Variants in FABP6 observed in about 807,000 individuals in gnomAD.
FABP6 encodes the protein fatty acid binding protein 6, also known as gastrotropin.
FABP6 carries 13 observed loss-of-function variants against 14.9 expected under a neutral mutation model. That is an observed-to-expected ratio of 0.87 (90% confidence interval 0.57 to 1.39). FABP6 has a LOEUF of 1.39. FABP6 is among the 40% of genes most tolerant of loss of function. The pLI is 0.00. For missense variants in FABP6, 161 were observed against 167.2 expected (o/e 0.96, Z 0.20); for synonymous variants, 75 against 63.6 (o/e 1.18, Z -0.85).
intron 3 of FABP6, among the ~76,000 whole-genome samples, chr5:160,222,534 ATGT>A (rs1760150462): frequency 2.0e-5 from 3 of 152,106 alleles, no homozygotes; most frequent in Non-Finnish European, 4.4e-5. Context: ...GGGTTCCGCC[ATGT>A]TGGCCAGGCT....
upstream of FABP6, among the ~76,000 whole-genome samples, chr5:160,227,704 G>A (rs1160304365): frequency 6.6e-6 from 1 of 151,356 alleles, no homozygotes; most frequent in Non-Finnish European, 1.5e-5. Flanking sequence ...GAAAAGGAAA[G>A]AAAAAGCCTA....
Position 160,232,189 on chromosome 5 carries a change from C to T in FABP6, c.159C>T (p.His53=). Reference sequence around the variant, plus strand: ...GGCAGGACTTCACTTGGTCCCAGCACTACTCCGGGGGCCACACCATGACCA... The same window carrying T: ...GGCAGGACTTCACTTGGTCCCAGCATTACTCCGGGGGCCACACCATGACCA... ...QDGQDFTWSQ[H]YSGGHTMTNK... The change falls in exon 2 of 4, where the codon CAC becomes CAT. Residue 53 remains histidine, a synonymous_variant. Coordinates refer to ENST00000402432, the MANE Select transcript of FABP6 (RefSeq NM_001445.3). 2 of 1,613,790 alleles carry T rather than the reference C, an allele frequency of 1.2e-6. No homozygotes were observed. Among genetic ancestry groups the T allele is most frequent in the Non-Finnish European group, 1.7e-6 (2 of 1,179,872 alleles).
chr5:160,214,089 CTCTTTCTTTCTTTCTTTCTTTCTTTCTT>C (rs10605033), intron 3 of FABP6, among the ~76,000 whole-genome samples: 77 of 116,382 alleles, frequency 6.6e-4, no homozygotes, highest in African/African-American at 8.7e-4. Flanking sequence ...GCCTGCCTTT[CTCTTTCTTTCTTTCTTTCTTTCTTTCTT>C]TCTTTCTTTC....
intron 1 of FABP6, chr5:160,197,443 A>G (rs986250706): frequency 2.6e-5 from 4 of 152,256 alleles, no homozygotes; most frequent in African/African-American, 9.7e-5. Flanking sequence ...CCTTGGGTGA[A>G]TAATACTATG....
intron 1 of FABP6, among the ~76,000 whole-genome samples, chr5:160,196,381 A>T (rs999174471): frequency 6.6e-6 from 1 of 152,174 alleles, no homozygotes; most frequent in Non-Finnish European, 1.5e-5. Context: ...AGGAGGCCCC[A>T]AAAAGGAAAC....
intron 1 of FABP6, among the ~76,000 whole-genome samples, chr5:160,191,216 A>T (rs1759386610): frequency 6.6e-6 from 1 of 151,976 alleles, no homozygotes; most frequent in Non-Finnish European, 1.5e-5. Flanking sequence ...CTGTAATCCT[A>T]GCACTTTGAG....
At chr5:160,230,685 G>A (rs574726126) in intron 1 of FABP6, among the ~76,000 whole-genome samples, 1 of 152,160 alleles carries the variant, frequency 6.6e-6, no homozygotes, top group African/African-American at 2.4e-5. Context: ...TTGAACACCA[G>A]CTATATGCAA....
At position 160,238,700 on chromosome 5, in the gene FABP6, A is replaced by T. The variant is rs1445462038; in HGVS notation, c.*41A>T. 6.3e-7 allele frequency: 1 copy of T among 1,598,878 alleles called. No individual in the cohort carries two copies. The highest frequency in any genetic ancestry group is 8.6e-7 in the Non-Finnish European group (1 of 1,166,444). ...CCAGGGAGCTACAAACCCACCAATA[A>T]AACTGATATAAGGACAGACGCTGCT... On this transcript the variant is annotated 3_prime_UTR_variant, in exon 4 of 4. Coordinates refer to ENST00000402432, the MANE Select transcript of FABP6 (RefSeq NM_001445.3).
chr5:160,214,471 G>A (rs1462707493), intron 3 of FABP6, among the ~76,000 whole-genome samples: 2 of 151,590 alleles, frequency 1.3e-5, no homozygotes, highest in African/African-American at 2.4e-5. Flanking sequence ...GGCCTCAAGT[G>A]GATTTCGTTT....
chr5:160,237,434 G>A lies in FABP6; in HGVS notation c.334-1172G>A, dbSNP rs191200906. Among the ~76,000 whole-genome samples the A allele has an allele frequency of 2.0e-3, 302 of 152,118 alleles. 3 individuals carry two copies. Among genetic ancestry groups the A allele is most frequent in the Admixed American group, 0.017 (252 of 15,262 alleles). On this transcript the variant is annotated intron_variant, in intron 3 of 3. Coordinates refer to ENST00000402432, the MANE Select transcript of FABP6 (RefSeq NM_001445.3). ...AAACAAAGTTGCATGACTAGGCCCC[G>A]AGAGGAGCTGTCTTGATTGCAAATC... is the stretch of plus-strand genomic sequence containing the variant.
chr5:160,229,574 A>G lies in FABP6; in HGVS notation c.17A>G (p.Lys6Arg). Residue 6 changes from lysine to arginine, a missense_variant, in exon 1 of 4, where the codon AAG (lysine) becomes AGG (arginine). By Grantham distance (26) the Lys-to-Arg change is conservative. Transcript: ENST00000402432. ...CCCAGCAGCATGGCTTTCACCGGCAAGTTCGAGATGGAGAGTGAGAAGAAT... is the reference window on the plus strand; with the variant it reads ...CCCAGCAGCATGGCTTTCACCGGCAGGTTCGAGATGGAGAGTGAGAAGAAT... MAFTG[K>R]FEMESEKNYD... 4.3e-6 allele frequency: 7 copies of G among 1,614,036 alleles called. No individual in the cohort carries two copies. The highest frequency in any genetic ancestry group is 5.9e-6 in the Non-Finnish European group (7 of 1,179,946).
chr5:160,190,266 C>T (rs1759367807), intron 1 of FABP6, among the ~76,000 whole-genome samples: 1 of 152,164 alleles, frequency 6.6e-6, no homozygotes, highest in Admixed American at 6.6e-5. Flanking sequence ...GAGTTTTGCT[C>T]TTGTTGCCCA....
At chr5:160,193,318 C>T (rs1759437358) in intron 1 of FABP6, among the ~76,000 whole-genome samples, 1 of 152,050 alleles carries the variant, frequency 6.6e-6, no homozygotes, top group African/African-American at 2.4e-5. Context: ...AGTGAAGCTG[C>T]AGACTTTCAC....
At chr5:160,236,630 C>A (rs112763576) in intron 3 of FABP6, among the ~76,000 whole-genome samples, 2 of 152,200 alleles carry the variant, frequency 1.3e-5, no homozygotes, top group African/African-American at 4.8e-5. Context: ...GCCTCTTCTG[C>A]CCAGGCCCAC....
At chr5:160,190,056 C>G (rs1235535387) in intron 1 of FABP6, among the ~76,000 whole-genome samples, 3 of 152,174 alleles carry the variant, frequency 2.0e-5, no homozygotes, top group Non-Finnish European at 4.4e-5. Flanking sequence ...TTCAGAGCCC[C>G]TACTCATCTT....
intron 1 of FABP6, chr5:160,198,994 A>C (rs2113070703): frequency 9.5e-7 from 1 of 1,054,320 alleles, no homozygotes; most frequent in Admixed American, 1.8e-5. Context: ...ATGAATGAAC[A>C]ATGAGATGGT....
intron 1 of FABP6, among the ~76,000 whole-genome samples, chr5:160,195,283 CAAAAAAA>C (rs57229719): frequency 4.7e-5 from 3 of 63,606 alleles, no homozygotes; most frequent in Admixed American, 2.3e-4. Flanking sequence ...GACTCTGTCT[CAAAAAAA>C]AAAAAAAAAA....
intron 1 of FABP6, among the ~76,000 whole-genome samples, chr5:160,231,270 G>A (rs1047432724): frequency 6.6e-6 from 1 of 152,222 alleles, no homozygotes; most frequent in East Asian, 1.9e-4. Flanking sequence ...GATGGGAAGT[G>A]AGCCCACTTT....
At chr5:160,234,479 C>T (rs941916931) in intron 2 of FABP6, among the ~76,000 whole-genome samples, 20 of 137,394 alleles carry the variant, frequency 1.5e-4, no homozygotes, top group African/African-American at 3.1e-4. Context: ...CAGGCTGGAG[C>T]GCAGTGCCAC....
Sources: allele counts gnomAD v4.1 joint callset (sites outside exome capture counted in the v4.1 genomes callset), GRCh38; gene constraint gnomAD v4.1.1; transcripts MANE v1.5; gene names NCBI Gene and HGNC (gene_info 2026-07-23, HGNC 2026-07-21).